The following DYNC1I1 variants were observed in gnomAD, a reference collection of about 807,000 sequenced individuals.
The protein encoded by DYNC1I1 is cytoplasmic dynein 1 intermediate chain 1.
A neutral mutation model predicts 86.6 loss-of-function variants in DYNC1I1; 43 were observed. The ratio of observed to expected loss-of-function variants is 0.50; its 90% confidence interval spans 0.39 to 0.64. The LOEUF (loss-of-function observed/expected upper bound fraction) is 0.64, where lower values mean the gene tolerates loss of function less well. Ranked by LOEUF, DYNC1I1 falls within the 30% of genes least tolerant of loss-of-function variation. DYNC1I1 has a pLI of 0.00. For missense variants in DYNC1I1, 604 were observed against 788.8 expected (o/e 0.77, Z 2.81); for synonymous variants, 262 against 283.7 (o/e 0.92, Z 0.77).
At chr7:95,881,373 G>A (rs200858614) in intron 6 of DYNC1I1, among the ~76,000 whole-genome samples, 2 of 150,128 alleles carry the variant, frequency 1.3e-5, no homozygotes. Flanking sequence ...AAAGGAAAAA[G>A]AAAAAAAAAA....
At chr7:95,841,722 G>A (rs1030577732) in intron 5 of DYNC1I1, among the ~76,000 whole-genome samples, 1 of 152,198 alleles carries the variant, frequency 6.6e-6, no homozygotes, top group Non-Finnish European at 1.5e-5. Flanking sequence ...ACTCCCTGGG[G>A]ACTAGTAATT....
intron 6 of DYNC1I1, among the ~76,000 whole-genome samples, chr7:95,936,789 C>T (rs1051770422): frequency 6.6e-6 from 1 of 151,798 alleles, no homozygotes; most frequent in Non-Finnish European, 1.5e-5. Flanking sequence ...AAGGGAATGT[C>T]ATTTTTTAAA....
At chr7:95,859,518 G>T (rs1215213305) in intron 5 of DYNC1I1, among the ~76,000 whole-genome samples, 2 of 152,188 alleles carry the variant, frequency 1.3e-5, no homozygotes, top group African/African-American at 4.8e-5. Context: ...CAGCCATCTG[G>T]CATGGCTCCA....
intron 6 of DYNC1I1, among the ~76,000 whole-genome samples, chr7:95,882,922 G>A (rs982376806): frequency 2.0e-5 from 3 of 152,106 alleles, no homozygotes; most frequent in South Asian, 2.1e-4. Context: ...CTATTTGTAC[G>A]TTGGGATCAT....
At chr7:95,991,741 T>C (rs1297692699) in intron 9 of DYNC1I1, among the ~76,000 whole-genome samples, 2 of 152,158 alleles carry the variant, frequency 1.3e-5, no homozygotes, top group Non-Finnish European at 2.9e-5. Context: ...CTTTGGACTC[T>C]TGTCCCTGCT....
intron 5 of DYNC1I1, among the ~76,000 whole-genome samples, chr7:95,869,426 C>T (rs1790101499): frequency 6.6e-6 from 1 of 152,092 alleles, no homozygotes; most frequent in Middle Eastern, 3.4e-3. Context: ...AAATATAATC[C>T]CCTCACTGCT....
chr7:95,882,225 T>C (rs768621465), intron 6 of DYNC1I1, among the ~76,000 whole-genome samples: 1 of 152,154 alleles, frequency 6.6e-6, no homozygotes, highest in Non-Finnish European at 1.5e-5. Flanking sequence ...AAAATGCTTT[T>C]CTTTGAACTA....
At chr7:96,085,873 G>A (rs1265743980) in intron 16 of DYNC1I1, among the ~76,000 whole-genome samples, 1 of 151,706 alleles carries the variant, frequency 6.6e-6, no homozygotes, top group Non-Finnish European at 1.5e-5. Context: ...TGAAACATGG[G>A]TAGGATAATA....
At chr7:96,091,217 C>G (rs1790834055) in intron 16 of DYNC1I1, among the ~76,000 whole-genome samples, 1 of 152,108 alleles carries the variant, frequency 6.6e-6, no homozygotes, top group Admixed American at 6.5e-5. Flanking sequence ...AACCGATGTA[C>G]ATTTCCACAT....
intron 6 of DYNC1I1, among the ~76,000 whole-genome samples, chr7:95,879,384 T>TC (rs1356485507): frequency 6.6e-6 from 1 of 152,124 alleles, no homozygotes; most frequent in Non-Finnish European, 1.5e-5. Flanking sequence ...TTGTTCTTTT[T>TC]TTTTGCTGAA....
At chr7:95,995,831 A>C in intron 9 of DYNC1I1, 117 bp from the exon 10 acceptor site, 2 of 1,406,480 alleles carry the variant, frequency 1.4e-6, no homozygotes, top group Non-Finnish European at 1.9e-6. Flanking sequence ...GGTATGCCAC[A>C]ACATAACAGA....
intron 6 of DYNC1I1, among the ~76,000 whole-genome samples, chr7:95,885,578 A>G (rs1790572745): frequency 6.6e-6 from 1 of 152,182 alleles, no homozygotes; most frequent in Admixed American, 6.5e-5. Flanking sequence ...TCCTGGGTTC[A>G]AAGGATCCTC....
intron 6 of DYNC1I1, among the ~76,000 whole-genome samples, chr7:95,968,065 A>T (rs1361350350): frequency 1.3e-5 from 2 of 152,188 alleles, no homozygotes; most frequent in African/African-American, 4.8e-5. Context: ...AATTGATATG[A>T]ACAAGTTGTT....
chr7:96,028,587 G>T (rs1794737453), intron 11 of DYNC1I1, among the ~76,000 whole-genome samples: 1 of 152,126 alleles, frequency 6.6e-6, no homozygotes, highest in Non-Finnish European at 1.5e-5. Context: ...GAGAAACCTT[G>T]GAAGAGGCAT....
At chr7:95,855,333 A>G (rs375302845) in intron 5 of DYNC1I1, among the ~76,000 whole-genome samples, 2 of 151,932 alleles carry the variant, frequency 1.3e-5, no homozygotes, top group African/African-American at 4.8e-5. Context: ...GAAATCCATT[A>G]TGTGTTATTT....
chr7:95,894,981 G>T (rs944246954), intron 6 of DYNC1I1, among the ~76,000 whole-genome samples: 2 of 152,136 alleles, frequency 1.3e-5, no homozygotes, highest in African/African-American at 4.8e-5. Flanking sequence ...GACCAATGCC[G>T]GCTGCAGGCA....
intron 6 of DYNC1I1, among the ~76,000 whole-genome samples, chr7:95,926,646 C>T (rs1791753888): frequency 6.6e-6 from 1 of 152,038 alleles, no homozygotes; most frequent in African/African-American, 2.4e-5. Context: ...TAAAATTTTC[C>T]TCATCTCTCT....
chr7:95,877,184 C>G (rs1790332257), intron 6 of DYNC1I1, among the ~76,000 whole-genome samples: 2 of 152,096 alleles, frequency 1.3e-5, no homozygotes, highest in Non-Finnish European at 2.9e-5. Context: ...TCATACTGCC[C>G]CAGCTACTTG....
At chr7:95,820,552 C>T (rs1007891242) in intron 4 of DYNC1I1, among the ~76,000 whole-genome samples, 7 of 152,268 alleles carry the variant, frequency 4.6e-5, no homozygotes, top group Middle Eastern at 6.8e-3. Context: ...AGAAACTGTG[C>T]GACTCAGGAA....
Sources: gnomAD v4.1 joint callset for allele counts (sites outside exome capture counted in the v4.1 genomes callset) on GRCh38, gnomAD v4.1.1 for gene constraint, MANE v1.5 for transcripts, NCBI Gene and HGNC (gene_info 2026-07-23, HGNC 2026-07-21) for gene names.